The following URB1 variants were observed in gnomAD, a reference collection of about 807,000 sequenced individuals.
URB1 encodes nucleolar pre-ribosomal-associated protein 1.
Under a neutral mutation model 242.3 loss-of-function variants are expected in URB1, and 197 were observed. The ratio of observed to expected loss-of-function variants is 0.81; its 90% CI spans 0.72 to 0.91. The LOEUF (loss-of-function observed/expected upper bound fraction) is 0.91, where lower values mean the gene tolerates loss of function less well. Ranked by LOEUF, URB1 falls within the 40% of genes least tolerant of loss-of-function variation. The pLI, the probability that URB1 is intolerant of heterozygous loss-of-function variation, is 0.00. For synonymous variants in URB1, 1,153 were observed against 1,201.8 expected, an observed-to-expected ratio of 0.96 and a Z score of 0.84; for missense variants, 2,721 against 2,860.5, an observed-to-expected ratio of 0.95 and a Z score of 1.11.
chr21:32,360,046 G>A (rs1468030202), intron 13 of URB1, 138 bp from the exon 14 acceptor site: 1 of 762,772 alleles, frequency 1.3e-6, no homozygotes, highest in Non-Finnish European at 2.1e-6. Flanking sequence ...TCTCTGTCCT[G>A]TGCTCACCCT....
rs1397690712 is a variant in URB1 at position 32,314,986 on chromosome 21, G to A, written c.6748C>T (p.Pro2250Ser). 14 of 1,551,530 alleles carry A rather than the reference G, an allele frequency of 9.0e-6. No homozygotes were observed. In the East Asian group the frequency reaches 3.2e-4, roughly 35 times the overall value. ...RMVCEAADDA[P>S]SSEEEAIVVL... ...ACGATGGCCTCCTCTTCACTGCTCG[G>A]GGCATCATCTGCGGCCTCACACACC... Residue 2250 changes from proline (P) to serine (S), a missense_variant, in exon 39 of 39, where the codon CCG (proline) becomes TCG (serine). Transcript: ENST00000382751.
chr21:32,319,133 G>T, intron 36 of URB1, 84 bp downstream of exon 36: 1 of 1,378,560 alleles, frequency 7.3e-7, no homozygotes, highest in Non-Finnish European at 9.8e-7. Flanking sequence ...ACAGAGTCAT[G>T]ACTGAGACAT....
intron 23 of URB1, 21 bp from the exon 24 acceptor site, chr21:32,344,777 C>T: frequency 6.5e-7 from 1 of 1,545,448 alleles, no homozygotes; most frequent in Non-Finnish European, 8.7e-7. Context: ...AGATGAGAGT[C>T]AGAGACAGAG....
intron 6 of URB1, among the ~76,000 whole-genome samples, chr21:32,374,946 T>C (rs532406744): frequency 9.2e-5 from 14 of 152,380 alleles, no homozygotes; most frequent in South Asian, 2.1e-4. Context: ...TTTTTCTTAC[T>C]GATGATTTAA....
intron 32 of URB1, among the ~76,000 whole-genome samples, chr21:32,323,347 TAGTG>T (rs1181626018): frequency 6.6e-6 from 1 of 152,218 alleles, no homozygotes; most frequent in Non-Finnish European, 1.5e-5. Flanking sequence ...GAGCCTCAGT[TAGTG>T]AGTATGGGGG....
chr21:32,377,383 T>C (rs2033471412), intron 5 of URB1: 3 of 494,650 alleles, frequency 6.1e-6, no homozygotes, highest in South Asian at 3.0e-5. Context: ...CATTAAACTG[T>C]AGTATGTTCC....
intron 13 of URB1, among the ~76,000 whole-genome samples, chr21:32,360,278 C>G (rs1372288223): frequency 6.6e-6 from 1 of 152,206 alleles, no homozygotes; most frequent in East Asian, 1.9e-4. Context: ...TGGACAGAGA[C>G]TGCAGCCACC....
At chr21:32,390,801 C>T (rs1309499771) in intron 1 of URB1, among the ~76,000 whole-genome samples, 1 of 152,196 alleles carries the variant, frequency 6.6e-6, no homozygotes, top group Non-Finnish European at 1.5e-5. Flanking sequence ...TTGTGGAAGT[C>T]AGTGTGGCGA....
chr21:32,341,379 C>T (rs773754908), intron 25 of URB1, 87 bp downstream of exon 25: 18 of 1,338,242 alleles, frequency 1.3e-5, no homozygotes, highest in Admixed American at 2.1e-5. Flanking sequence ...GTGGATTATG[C>T]TAATAACAAG....
At position 32,368,099 on chromosome 21, in the gene URB1, G is replaced by A. The variant is rs141230030; in HGVS notation, c.1197+304C>T. ...ACTTATTTTTTTGAGATGGAGTCTCGCTCTGTCACCCAGGCTGGAGTGCAG... is the reference window on the plus strand; with the variant it reads ...ACTTATTTTTTTGAGATGGAGTCTCACTCTGTCACCCAGGCTGGAGTGCAG... On this transcript the variant is annotated intron_variant, in intron 9 of 38. Transcript: ENST00000382751. Among the ~76,000 whole-genome samples, 64 of 152,114 alleles carry A rather than the reference G, an allele frequency of 4.2e-4. No individual in the cohort carries two copies. In the East Asian group the frequency reaches 0.012, roughly 29 times the overall value.
rs2032698049 is a variant in URB1 at position 32,316,941 on chromosome 21, C to T, written c.6159G>A (p.Glu2053=). The change falls in exon 38 of 39, where the codon GAG becomes GAA. Residue 2053 remains glutamate, a synonymous_variant. Transcript: ENST00000382751. ...TGGACCTCAGGAGGCCCTTGCATGT[C>T]TCCAAGGTAGATGCCATCAGCTCAG... is the stretch of plus-strand genomic sequence containing the variant. The part of the protein sequence containing the change: ...ADPELMASTL[E]TCKGLLRSIL... 3.2e-6 allele frequency: 5 copies of T among 1,551,646 alleles called. No individual in the cohort carries two copies. The East Asian group carries it at 1.2e-4, about 38-fold the overall frequency.
At chr21:32,369,223 C>G (rs2033380777) in intron 8 of URB1, among the ~76,000 whole-genome samples, 1 of 152,036 alleles carries the variant, frequency 6.6e-6, no homozygotes, top group Admixed American at 6.5e-5. Flanking sequence ...ATTAGCCAGG[C>G]ATGGTGGTGC....
At chr21:32,316,344 GC>G in intron 38 of URB1, 121 bp downstream of exon 38, 1 of 1,403,438 alleles carries the variant, frequency 7.1e-7, no homozygotes, top group Non-Finnish European at 9.3e-7. Context: ...ACCTAAACAA[GC>G]ACAATACCCA....
intron 35 of URB1, among the ~76,000 whole-genome samples, chr21:32,320,144 G>C (rs572921065): frequency 5.3e-5 from 8 of 152,374 alleles, no homozygotes; most frequent in African/African-American, 1.9e-4. Context: ...CTTCCTGCAA[G>C]AGGGCTGCAG....
chr21:32,371,955 C>T (rs1429868213), intron 8 of URB1, among the ~76,000 whole-genome samples: 3 of 151,518 alleles, frequency 2.0e-5, no homozygotes, highest in Non-Finnish European at 4.4e-5. Flanking sequence ...AAATGTGAAA[C>T]AAAATGTTAA....
In URB1 at chr21:32,314,288, G is replaced by A. The variant is rs914676416; in HGVS notation, c.*630C>T. The A allele has an allele frequency of 3.3e-5, 13 of 392,638 alleles. 1 individual carries two copies. The highest frequency in any genetic ancestry group is 1.1e-4 in the South Asian group (5 of 46,656). The allele number at this position is 392,638 out of a possible 1,614,324, so 24.3% of individuals were successfully genotyped here. ...TAGCCTCCACCTCCCAGGTTCAAGC[G>A]ATTCCCCTGCCTTAGCCTCCCGAGT... is the stretch of plus-strand genomic sequence containing the variant. On this transcript the variant is annotated 3_prime_UTR_variant, in exon 39 of 39. Coordinates refer to ENST00000382751, the MANE Select transcript of URB1 (RefSeq NM_014825.3).
intron 19 of URB1, among the ~76,000 whole-genome samples, chr21:32,352,404 G>C (rs971181451): frequency 3.3e-5 from 5 of 152,088 alleles, no homozygotes; most frequent in African/African-American, 1.2e-4. Flanking sequence ...AGATAACAAG[G>C]TAAGGAAAAA....
intron 8 of URB1, 87 bp from the exon 9 acceptor site, chr21:32,368,685 T>C (rs1338591099): frequency 1.4e-4 from 158 of 1,162,426 alleles, no homozygotes; most frequent in Non-Finnish European, 1.8e-4. Context: ...CTCTGCAGAA[T>C]TGCCCTCAGT....
intron 22 of URB1, among the ~76,000 whole-genome samples, chr21:32,346,477 A>C (rs372410585): frequency 1.3e-5 from 2 of 152,360 alleles, no homozygotes; most frequent in East Asian, 3.9e-4. Flanking sequence ...AAAGGGAATT[A>C]CATTAAATTT....
Sources: gnomAD v4.1 joint callset for allele counts (sites outside exome capture counted in the v4.1 genomes callset) on GRCh38, gnomAD v4.1.1 for gene constraint, MANE v1.5 for transcripts, NCBI Gene and HGNC (gene_info 2026-07-23, HGNC 2026-07-21) for gene names.